Variants in DSTN observed in about 807,000 individuals in gnomAD.
The protein encoded by DSTN is destrin, actin depolymerizing factor.
Under a neutral mutation model 16.8 loss-of-function variants are expected in DSTN, and 10 were observed. The ratio of observed to expected loss-of-function variants is 0.60; its 90% CI spans 0.37 to 1.01. The LOEUF is 1.01. Among genes scored for constraint, DSTN ranks in the 50% least tolerant of loss-of-function variants. DSTN has a pLI of 0.01. For synonymous variants in DSTN, 57 were observed against 58.9 expected (o/e 0.97, Z 0.14); for missense variants, 141 against 196.7 (o/e 0.72, Z 1.69).
chr20:17,605,155 A>C, intron 3 of DSTN: 1 of 456,350 alleles, frequency 2.2e-6, no homozygotes, highest in Non-Finnish European at 4.4e-6. Flanking sequence ...TTGACTTGCC[A>C]CTGGGTGATT....
At position 17,607,107 on chromosome 20, in the gene DSTN, T is replaced by C; in HGVS notation, c.459T>C (p.Gly153=). The change falls in exon 4 of 4, where the codon GGT becomes GGC. Residue 153 remains glycine, a synonymous_variant. Transcript: ENST00000246069. ...LNRACIAEKL[G]GSLIVAFEGC... is the part of the protein sequence containing the mutation. ...GGGCTTGTATTGCTGAAAAGTTAGG[T>C]GGATCCTTAATTGTAGCCTTTGAAG... The C allele has an allele frequency of 2.5e-6, 4 of 1,613,016 alleles. No homozygotes were observed. Among genetic ancestry groups the C allele is most frequent in the Non-Finnish European group, 3.4e-6 (4 of 1,179,976 alleles).
At chr20:17,604,829 C>T (rs1438932727) in intron 3 of DSTN, among the ~76,000 whole-genome samples, 198 bp downstream of exon 3, 2 of 152,118 alleles carry the variant, frequency 1.3e-5, no homozygotes, top group African/African-American at 4.8e-5. Context: ...CTGGGTCTGC[C>T]CAGCCTGTGT....
intron 1 of DSTN, among the ~76,000 whole-genome samples, chr20:17,582,281 A>T (rs1244028000): frequency 6.6e-6 from 1 of 151,994 alleles, no homozygotes; most frequent in African/African-American, 2.4e-5. Flanking sequence ...GTTTTCAACC[A>T]TGTTGGCCAG....
chr20:17,592,019 TAGA>T (rs2035475280), intron 1 of DSTN: 3 of 985,480 alleles, frequency 3.0e-6, no homozygotes, highest in Non-Finnish European at 3.6e-6. Context: ...GAATGGAGTT[TAGA>T]AGAAGGTCAG....
At position 17,607,795 on chromosome 20, in the gene DSTN, C is replaced by T. The variant is rs1464439649; in HGVS notation, c.*649C>T. 1 of 152,232 alleles carries T rather than the reference C, an allele frequency of 6.6e-6. No individual in the cohort carries two copies. The highest frequency in any genetic ancestry group is 2.4e-5 in the African/African-American group (1 of 41,442). 9.4% of individuals were successfully genotyped at this position (152,232 alleles called of 1,614,324 possible). A position where few individuals can be genotyped will look rare whatever the true frequency, so the allele number is the denominator to read the frequency against. On this transcript the variant is annotated 3_prime_UTR_variant, in exon 4 of 4. Transcript: ENST00000246069. Reference sequence around the variant, plus strand: ...TTCACTGATTGGAAGAGTGACCTGGCATCTTGGAAATCATTGTGTGTCTTC... The same window carrying T: ...TTCACTGATTGGAAGAGTGACCTGGTATCTTGGAAATCATTGTGTGTCTTC...
Position 17,570,096 on chromosome 20 carries a change from G to A in DSTN, c.-113G>A, listed in dbSNP as rs2035177504. ...GCCCGCCCCGGGGTAAGCTCGCGCC[G>A]CCGCGTCAGCTCAGCGCTGGGTCTC... On this transcript the variant is annotated 5_prime_UTR_variant, in exon 1 of 4. Transcript: ENST00000246069. 4 of 1,458,518 alleles carry A rather than the reference G, an allele frequency of 2.7e-6. No individual in the cohort carries two copies. Among genetic ancestry groups the A allele is most frequent in the Admixed American group, 4.7e-5 (2 of 42,700 alleles). 90.3% of individuals were successfully genotyped at this position (1,458,518 alleles called of 1,614,324 possible).
At chr20:17,596,327 G>A (rs2122197405) in intron 1 of DSTN, among the ~76,000 whole-genome samples, 1 of 152,222 alleles carries the variant, frequency 6.6e-6, no homozygotes, top group Admixed American at 6.5e-5. Context: ...CCAAAATATG[G>A]ATTAGGTGAA....
intron 1 of DSTN, among the ~76,000 whole-genome samples, chr20:17,594,862 T>G (rs1055445035): frequency 1.3e-5 from 2 of 152,142 alleles, no homozygotes; most frequent in African/African-American, 4.8e-5. Flanking sequence ...CTTATGTGAC[T>G]AGGAGGGTGG....
In DSTN at chr20:17,596,589, G is replaced by A. The variant is rs1035538187; in HGVS notation, c.4-4149G>A. ...TTCTGTTTTTAACCTCACTGCTGTA[G>A]TTCAGAGCTTTCTTCTCTGAATATT... On this transcript the variant is annotated intron_variant, in intron 1 of 3. Transcript: ENST00000246069. 1.9e-5 allele frequency: 19 copies of A among 980,034 alleles called. No homozygotes were observed. In the African/African-American group the frequency reaches 3.2e-4, roughly 16 times the overall value. The allele number at this position is 980,034 out of a possible 1,614,324, so 60.7% of individuals were successfully genotyped here.
chr20:17,596,651 T>C (rs959891705), intron 1 of DSTN: 2 of 985,328 alleles, frequency 2.0e-6, no homozygotes, highest in Non-Finnish European at 1.2e-6. Context: ...GCTTCCAGTT[T>C]CTGTGCCAGT....
chr20:17,597,716 A>G (rs2035541843), intron 1 of DSTN, among the ~76,000 whole-genome samples: 1 of 152,214 alleles, frequency 6.6e-6, no homozygotes, highest in Non-Finnish European at 1.5e-5. Flanking sequence ...GGTATAATTC[A>G]CATACCACAA....
At chr20:17,592,161 C>G in intron 1 of DSTN, 1 of 948,002 alleles carries the variant, frequency 1.1e-6, no homozygotes. Context: ...CATGGTGGCT[C>G]ATGCCTGTAA....
intron 1 of DSTN, among the ~76,000 whole-genome samples, chr20:17,579,630 G>T (rs543440400): frequency 6.6e-5 from 10 of 152,206 alleles, no homozygotes; most frequent in Non-Finnish European, 1.3e-4. Context: ...CAGTTTATCA[G>T]TGTTAGCTAA....
chr20:17,586,575 T>C (rs1280398469), intron 1 of DSTN, among the ~76,000 whole-genome samples: 2 of 152,240 alleles, frequency 1.3e-5, no homozygotes, highest in African/African-American at 4.8e-5. Flanking sequence ...GCACATTAAA[T>C]TCTTAGGTTT....
chr20:17,588,032 C>A (rs1245272802), intron 1 of DSTN, among the ~76,000 whole-genome samples: 1 of 152,170 alleles, frequency 6.6e-6, no homozygotes, highest in Non-Finnish European at 1.5e-5. Flanking sequence ...CTGTTCCCTA[C>A]TTGCTTTTTT....
chr20:17,574,454 CCT>C (rs2035244253), intron 1 of DSTN, among the ~76,000 whole-genome samples: 1 of 152,108 alleles, frequency 6.6e-6, no homozygotes, highest in African/African-American at 2.4e-5. Flanking sequence ...TACACTTACC[CCT>C]CTCTTTCCTG....
At chr20:17,572,867 A>G (rs1362412660) in intron 1 of DSTN, among the ~76,000 whole-genome samples, 6 of 152,242 alleles carry the variant, frequency 3.9e-5, no homozygotes, top group Admixed American at 1.3e-4. Context: ...TCTTATTGCC[A>G]TATTTCAGGT....
intron 1 of DSTN, among the ~76,000 whole-genome samples, chr20:17,573,219 A>G (rs1357325656): frequency 6.6e-6 from 1 of 152,186 alleles, no homozygotes; most frequent in Non-Finnish European, 1.5e-5. Context: ...TTAATCATTC[A>G]TATGTATTGC....
rs2035217132 is a variant in DSTN, at chr20:17,572,396, C to T, written c.3+2185C>T. ...ATACAGAGATTGTTTAGTAGCCCATCATCAAGTTACTAAGGTTATTTGCTC... is the reference window on the plus strand; with the variant it reads ...ATACAGAGATTGTTTAGTAGCCCATTATCAAGTTACTAAGGTTATTTGCTC... On this transcript the variant is annotated intron_variant, in intron 1 of 3. Transcript: ENST00000246069. 1.3e-5 allele frequency among the ~76,000 whole-genome samples: 2 copies of T among 152,168 alleles called. 1 individual carries two copies. Among genetic ancestry groups the T allele is most frequent in the South Asian group, 4.1e-4 (2 of 4,822 alleles).
Sources: allele counts gnomAD v4.1 joint callset (sites outside exome capture counted in the v4.1 genomes callset), GRCh38; gene constraint gnomAD v4.1.1; transcripts MANE v1.5; gene names NCBI Gene and HGNC (gene_info 2026-07-23, HGNC 2026-07-21).